GLI3: variants seen among roughly 807,000 people sequenced by gnomAD.
GLI3 encodes transcription activator GLI3.
Under a neutral mutation model 100.8 loss-of-function variants are expected in GLI3, and 20 were observed. The ratio of observed to expected loss-of-function variants is 0.20; its 90% confidence interval spans 0.14 to 0.29. The LOEUF is 0.29. Ranked by LOEUF, GLI3 falls within the 10% of genes least tolerant of loss-of-function variation. GLI3 has a pLI of 1.00. For synonymous variants in GLI3, 938 were observed against 860.5 expected, an observed-to-expected ratio of 1.09 and a Z score of -1.58; for missense variants, 2,040 against 2,128.5, an observed-to-expected ratio of 0.96 and a Z score of 0.82.
At chr7:42,125,292 A>T (rs987990385) in intron 3 of GLI3, among the ~76,000 whole-genome samples, 14 of 152,162 alleles carry the variant, frequency 9.2e-5, no homozygotes, top group African/African-American at 3.4e-4. Flanking sequence ...AAACCATCTC[A>T]TGTAAACCTT....
At chr7:42,055,070 CATATATATGTATATAT>C (rs1188169747) in intron 4 of GLI3, among the ~76,000 whole-genome samples, 1 of 136,632 alleles carries the variant, frequency 7.3e-6, no homozygotes, top group African/African-American at 3.3e-5. Context: ...TATATGTATA[CATATATATGTATATAT>C]ACATATATAC....
chr7:42,076,672 T>C, intron 4 of GLI3, 80 bp downstream of exon 4: 2 of 861,442 alleles, frequency 2.3e-6, no homozygotes, highest in Non-Finnish European at 2.0e-6. Context: ...CCAGTGGACA[T>C]GCCATTAACA....
intron 10 of GLI3, among the ~76,000 whole-genome samples, chr7:41,993,738 A>G (rs1395800740): frequency 6.6e-6 from 1 of 152,198 alleles, no homozygotes; most frequent in African/African-American, 2.4e-5. Flanking sequence ...ATGTGGTCCC[A>G]GGCCTCAATA....
chr7:41,998,259 C>T (rs1457820530), intron 10 of GLI3, among the ~76,000 whole-genome samples: 2 of 152,144 alleles, frequency 1.3e-5, no homozygotes, highest in Non-Finnish European at 2.9e-5. Context: ...GGTATTCACA[C>T]CACAGGCTCA....
intron 6 of GLI3, among the ~76,000 whole-genome samples, chr7:42,042,173 C>T (rs762245490): frequency 5.9e-5 from 9 of 151,956 alleles, no homozygotes; most frequent in South Asian, 2.1e-4. Flanking sequence ...CCACCACGCC[C>T]GGATAATTTT....
chr7:42,073,073 A>G (rs557247298), intron 4 of GLI3, among the ~76,000 whole-genome samples: 1 of 152,374 alleles, frequency 6.6e-6, no homozygotes, highest in South Asian at 2.1e-4. Flanking sequence ...TGTACATTTT[A>G]TAACAACCTT....
chr7:42,229,633 A>G (rs912983785), intron 1 of GLI3, among the ~76,000 whole-genome samples: 4 of 152,206 alleles, frequency 2.6e-5, no homozygotes, highest in Non-Finnish European at 5.9e-5. Context: ...TCATACTTAT[A>G]TTACTAGTAG....
intron 3 of GLI3, among the ~76,000 whole-genome samples, chr7:42,081,842 ATGG>A (rs1785003054): frequency 6.6e-6 from 1 of 152,126 alleles, no homozygotes; most frequent in Non-Finnish European, 1.5e-5. Flanking sequence ...TGATACTTGA[ATGG>A]TCTGAAAGTG....
chr7:42,120,221 T>C (rs924374550), intron 3 of GLI3, among the ~76,000 whole-genome samples: 7 of 152,316 alleles, frequency 4.6e-5, no homozygotes, highest in Non-Finnish European at 7.4e-5. Context: ...ACCTTACAAA[T>C]TGTTAAGGTG....
At chr7:41,991,501 C>T (rs937959394) in intron 10 of GLI3, among the ~76,000 whole-genome samples, 2 of 152,194 alleles carry the variant, frequency 1.3e-5, no homozygotes, top group African/African-American at 4.8e-5. Flanking sequence ...GCAAAATCTC[C>T]ATACACGCAA....
At chr7:42,055,065 G>GTATATATACATATATACACATA (rs1562706182) in intron 4 of GLI3, among the ~76,000 whole-genome samples, 1 of 80,582 alleles carries the variant, frequency 1.2e-5, no homozygotes, top group Non-Finnish European at 2.8e-5. Flanking sequence ...ACACATATAT[G>GTATATATACATATATACACATA]TATACATATA....
intron 13 of GLI3, among the ~76,000 whole-genome samples, chr7:41,969,227 C>A (rs1787304894): frequency 6.6e-6 from 1 of 152,156 alleles, no homozygotes; most frequent in Non-Finnish European, 1.5e-5. Flanking sequence ...TGCAACTAGC[C>A]TGGACTCCTA....
intron 10 of GLI3, among the ~76,000 whole-genome samples, chr7:41,994,878 G>A (rs1342309862): frequency 2.0e-5 from 3 of 152,200 alleles, no homozygotes; most frequent in Non-Finnish European, 2.9e-5. Flanking sequence ...ACATGCCTGT[G>A]ACATATACGT....
intron 3 of GLI3, among the ~76,000 whole-genome samples, chr7:42,087,499 T>G (rs1785127359): frequency 6.6e-6 from 1 of 152,184 alleles, no homozygotes; most frequent in Non-Finnish European, 1.5e-5. Flanking sequence ...CAGACACTGA[T>G]GGGCGCTCAG....
At chr7:42,132,256 A>T (rs1185975998) in intron 3 of GLI3, among the ~76,000 whole-genome samples, 4 of 151,264 alleles carry the variant, frequency 2.6e-5, no homozygotes. Context: ...GCCCGCCACT[A>T]CGCCCGGCTA....
At chr7:42,199,825 G>A (rs965043234) in intron 2 of GLI3, among the ~76,000 whole-genome samples, 5 of 152,164 alleles carry the variant, frequency 3.3e-5, no homozygotes, top group African/African-American at 9.7e-5. Context: ...CGAGGTCGAG[G>A]CAGGCGGATC....
At chr7:42,148,115 G>A (rs1305964506) in intron 3 of GLI3, 111 bp downstream of exon 3, 73 of 1,151,512 alleles carry the variant, frequency 6.3e-5, no homozygotes, top group Non-Finnish European at 8.3e-5. Flanking sequence ...AATTATACAA[G>A]CCAAAACTTC....
chr7:42,218,295 TA>T (rs201094629), intron 2 of GLI3, among the ~76,000 whole-genome samples: 12 of 151,346 alleles, frequency 7.9e-5, no homozygotes, highest in Admixed American at 7.9e-4. Context: ...CTCTTACCAT[TA>T]AAAAAAAGTC....
At chr7:42,214,382 T>C (rs1023948944) in intron 2 of GLI3, among the ~76,000 whole-genome samples, 5 of 151,560 alleles carry the variant, frequency 3.3e-5, no homozygotes, top group African/African-American at 1.2e-4. Context: ...GGGATGAAGC[T>C]ACCATTTACG....
Sources: gnomAD v4.1 joint callset for allele counts (sites outside exome capture counted in the v4.1 genomes callset) on GRCh38, gnomAD v4.1.1 for gene constraint, MANE v1.5 for transcripts, NCBI Gene and HGNC (gene_info 2026-07-23, HGNC 2026-07-21) for gene names.